Variants in NUMB observed in about 807,000 individuals in gnomAD.
The protein encoded by NUMB is NUMB endocytic adaptor protein.
Under a neutral mutation model 59.7 loss-of-function variants are expected in NUMB, and 29 were observed. The observed-to-expected ratio is 0.49, with a 90% CI of 0.36 to 0.66. The LOEUF (loss-of-function observed/expected upper bound fraction) is 0.66. Among genes scored for constraint, NUMB ranks in the 30% least tolerant of loss-of-function variants. The probability of loss-of-function intolerance (pLI) is 0.00; values close to 1 mark genes in which losing one functional copy is unlikely to be tolerated. For synonymous variants in NUMB, 288 were observed against 288.2 expected, an observed-to-expected ratio of 1.00 and a Z score of 0.01; for missense variants, 723 against 822.0, an observed-to-expected ratio of 0.88 and a Z score of 1.47.
At chr14:73,434,084 ACT>A (rs1012245354) in intron 1 of NUMB, among the ~76,000 whole-genome samples, 1 of 151,890 alleles carries the variant, frequency 6.6e-6, no homozygotes, top group Non-Finnish European at 1.5e-5. Context: ...ACATAGGGAG[ACT>A]CTGTCTCAAA....
intron 4 of NUMB, among the ~76,000 whole-genome samples, chr14:73,334,842 G>A (rs1416691891): frequency 2.0e-5 from 3 of 151,136 alleles, no homozygotes; most frequent in East Asian, 2.0e-4. Context: ...TCAGCTACTC[G>A]GGAAGCTAAG....
chr14:73,452,856 A>C (rs1031315335), intron 1 of NUMB, among the ~76,000 whole-genome samples: 1 of 152,194 alleles, frequency 6.6e-6, no homozygotes, highest in Admixed American at 6.5e-5. Context: ...TGCTTTCTTG[A>C]GGGGAAGAAA....
intron 8 of NUMB, among the ~76,000 whole-genome samples, chr14:73,289,096 C>T (rs1007722114): frequency 2.4e-4 from 36 of 152,158 alleles, no homozygotes; most frequent in African/African-American, 8.4e-4. Context: ...TGAATCCCCC[C>T]TCTAAGCAAC....
intron 2 of NUMB, among the ~76,000 whole-genome samples, chr14:73,379,122 G>A (rs1594967415): frequency 1.3e-5 from 2 of 152,138 alleles, no homozygotes; most frequent in South Asian, 4.1e-4. Flanking sequence ...ATATACATTT[G>A]CCCTTTATAT....
At chr14:73,398,349 C>T (rs1896233907) in intron 2 of NUMB, among the ~76,000 whole-genome samples, 1 of 147,894 alleles carries the variant, frequency 6.8e-6, no homozygotes, top group Admixed American at 6.8e-5. Context: ...GTATATAATC[C>T]CATTAATAAA....
intron 4 of NUMB, among the ~76,000 whole-genome samples, chr14:73,325,996 A>C (rs770336136): frequency 3.6e-4 from 55 of 152,024 alleles, no homozygotes; most frequent in Non-Finnish European, 4.3e-4. Flanking sequence ...TCCTAGATAC[A>C]AGTGAAATTG....
At chr14:73,321,263 T>C (rs989287483) in intron 5 of NUMB, among the ~76,000 whole-genome samples, 2 of 152,184 alleles carry the variant, frequency 1.3e-5, no homozygotes, top group African/African-American at 4.8e-5. Flanking sequence ...TTGTGTAAAT[T>C]ATAAGATTTT....
chr14:73,334,640 A>T (rs1210628349), intron 4 of NUMB, among the ~76,000 whole-genome samples: 2 of 152,138 alleles, frequency 1.3e-5, no homozygotes, highest in Non-Finnish European at 2.9e-5. Context: ...TTTACAGCTA[A>T]TCTAAAATTT....
rs149343278 is a variant in NUMB, at chr14:73,417,747, C to T, written c.-232-7679G>A. ...ATTTGTACACCAATATTCAAGGCAA[C>T]ATCATTCACAGTAGCCAAAAGATGA... On this transcript the variant is annotated intron_variant, in intron 1 of 12. Coordinates refer to ENST00000555238, the MANE Select transcript of NUMB (RefSeq NM_001005743.2). Among the ~76,000 whole-genome samples the T allele has an allele frequency of 4.6e-5, 7 of 152,252 alleles. No homozygotes were observed. The East Asian group carries it at 5.8e-4, about 13-fold the overall frequency.
rs149063996 is a variant in NUMB, at chr14:73,302,775, A to T, written c.235-5490T>A. Among the ~76,000 whole-genome samples the T allele has an allele frequency of 1.9e-3, 294 of 152,256 alleles. 3 individuals carry two copies. The highest frequency in any genetic ancestry group is 5.5e-3 in the African/African-American group (229 of 41,538). On this transcript the variant is annotated intron_variant, in intron 6 of 12. Coordinates refer to ENST00000555238, the MANE Select transcript of NUMB (RefSeq NM_001005743.2). ...CTGACCATATAAACTAAGATTTCTGAGCACTTTTAAGAAAAGAAGATAAAC... is the reference window on the plus strand; with the variant it reads ...CTGACCATATAAACTAAGATTTCTGTGCACTTTTAAGAAAAGAAGATAAAC...
chr14:73,364,467 G>A (rs1432800533), intron 3 of NUMB, among the ~76,000 whole-genome samples: 1 of 151,918 alleles, frequency 6.6e-6, no homozygotes, highest in African/African-American at 2.4e-5. Flanking sequence ...TTGCACCACT[G>A]CACTCCAGCC....
At chr14:73,314,928 T>C (rs1891004817) in intron 6 of NUMB, among the ~76,000 whole-genome samples, 2 of 152,292 alleles carry the variant, frequency 1.3e-5, no homozygotes, top group South Asian at 4.1e-4. Flanking sequence ...TCCCTACTTA[T>C]AATGCTGTGC....
intron 6 of NUMB, among the ~76,000 whole-genome samples, chr14:73,307,936 T>C (rs1168938228): frequency 6.6e-6 from 1 of 151,938 alleles, no homozygotes; most frequent in Non-Finnish European, 1.5e-5. Context: ...GGTTTCACCG[T>C]GTTAGCCAGG....
chr14:73,353,083 T>TTTTTTTTTTGTTTTTTTTTTTTG, intron 4 of NUMB, among the ~76,000 whole-genome samples: 1 of 105,510 alleles, frequency 9.5e-6, no homozygotes, highest in African/African-American at 3.4e-5. Context: ...TTTTTTTTTT[T>TTTTTTTTTTGTTTTTTTTTTTTG]TTTTTTTTTT....
intron 2 of NUMB, among the ~76,000 whole-genome samples, chr14:73,371,666 T>C (rs1894679934): frequency 1.3e-5 from 2 of 152,200 alleles, no homozygotes; most frequent in African/African-American, 4.8e-5. Context: ...TGTTACAGTA[T>C]TAAGAGGTGG....
intron 12 of NUMB, among the ~76,000 whole-genome samples, chr14:73,277,580 C>T (rs951091386): frequency 2.0e-5 from 3 of 152,134 alleles, no homozygotes; most frequent in South Asian, 2.1e-4. Flanking sequence ...AGAAACCCCT[C>T]GCTGTTGCTA....
At chr14:73,424,920 A>G (rs1897516134) in intron 1 of NUMB, among the ~76,000 whole-genome samples, 1 of 152,272 alleles carries the variant, frequency 6.6e-6, no homozygotes, top group South Asian at 2.1e-4. Flanking sequence ...ATATGCAAAC[A>G]TATAAGTCAT....
intron 7 of NUMB, among the ~76,000 whole-genome samples, chr14:73,295,757 T>C (rs1594874518): frequency 1.3e-5 from 2 of 152,318 alleles, no homozygotes; most frequent in South Asian, 4.1e-4. Context: ...TTAGGTATTC[T>C]AGGAAATTTT....
At chr14:73,399,030 T>G (rs556993248) in intron 2 of NUMB, among the ~76,000 whole-genome samples, 1 of 152,174 alleles carries the variant, frequency 6.6e-6, no homozygotes. Flanking sequence ...ACATATACAA[T>G]GGAACATTAT....
Sources: gnomAD v4.1 joint callset for allele counts (sites outside exome capture counted in the v4.1 genomes callset) on GRCh38, gnomAD v4.1.1 for gene constraint, MANE v1.5 for transcripts, NCBI Gene and HGNC (gene_info 2026-07-23, HGNC 2026-07-21) for gene names.